The following DAB1 variants were observed in gnomAD, a reference collection of about 807,000 sequenced individuals.
The protein encoded by DAB1 is disabled homolog 1.
A neutral mutation model predicts 64.6 loss-of-function variants in DAB1; 15 were observed. The observed-to-expected ratio is 0.23, with a 90% CI of 0.16 to 0.36. The LOEUF is 0.36. DAB1 is among the 10% of genes least tolerant of loss of function. The pLI, the probability that DAB1 is intolerant of heterozygous loss-of-function variation, is 1.00. For synonymous variants in DAB1, 235 were observed against 251.9 expected (o/e 0.93, Z 0.64); for missense variants, 596 against 706.7 (o/e 0.84, Z 1.78).
chr1:58,203,241 T>G (rs7545320), intron 4 of DAB1, among the ~76,000 whole-genome samples: 72,639 of 152,024 alleles, frequency 0.48, 19,882 homozygotes, highest in Non-Finnish European at 0.64. Context: ...AAGTAATGAT[T>G]TGTCTTCAAC....
chr1:58,488,872 T>C (rs570701136), intron 3 of DAB1, among the ~76,000 whole-genome samples: 59 of 152,244 alleles, frequency 3.9e-4, no homozygotes, highest in Non-Finnish European at 6.6e-4. Flanking sequence ...AGTGAGAACA[T>C]AACATTTTTA....
chr1:57,983,256 A>T (rs1412771060), intron 5 of DAB1, among the ~76,000 whole-genome samples: 1 of 152,232 alleles, frequency 6.6e-6, no homozygotes, highest in East Asian at 1.9e-4. Context: ...TAAATAAAAC[A>T]GAGATCTTGA....
At chr1:57,629,256 A>G (rs1301012232) in intron 7 of DAB1, among the ~76,000 whole-genome samples, 3 of 152,222 alleles carry the variant, frequency 2.0e-5, no homozygotes, top group African/African-American at 7.2e-5. Flanking sequence ...TATGTCAGAA[A>G]CACATGCATT....
chr1:57,496,514 T>A (rs1048259391), intron 7 of DAB1, among the ~76,000 whole-genome samples: 7 of 152,142 alleles, frequency 4.6e-5, no homozygotes, highest in Non-Finnish European at 8.8e-5. Flanking sequence ...TATGCAAAAC[T>A]TTCACAGCCC....
intron 1 of DAB1, chr1:57,878,369 GTTAA>G (rs1366448230): frequency 6.6e-6 from 1 of 152,116 alleles, no homozygotes; most frequent in Non-Finnish European, 1.5e-5. Flanking sequence ...GACAATTTGT[GTTAA>G]TTAAATTCTC....
intron 4 of DAB1, among the ~76,000 whole-genome samples, chr1:57,121,739 G>A (rs750925129): frequency 7.2e-5 from 11 of 151,868 alleles, no homozygotes; most frequent in African/African-American, 1.2e-4. Context: ...TTTTGTATAA[G>A]GTGTAAGGAA....
At chr1:58,037,011 C>T (rs1166669634) in intron 5 of DAB1, among the ~76,000 whole-genome samples, 1 of 152,218 alleles carries the variant, frequency 6.6e-6, no homozygotes, top group South Asian at 2.1e-4. Context: ...CCCTTGCCTG[C>T]TCCTTCCCAC....
At chr1:58,169,421 G>A (rs944359189) in intron 4 of DAB1, among the ~76,000 whole-genome samples, 3 of 152,144 alleles carry the variant, frequency 2.0e-5, no homozygotes, top group Non-Finnish European at 4.4e-5. Context: ...AAACATTCAG[G>A]CATCAACAGG....
intron 5 of DAB1, among the ~76,000 whole-genome samples, chr1:58,129,350 TTTTC>T (rs1262176819): frequency 1.0e-4 from 15 of 147,772 alleles, no homozygotes; most frequent in Admixed American, 7.4e-4. Flanking sequence ...TTCTCTCTTT[TTTTC>T]TTTATTAGTC....
At chr1:58,006,480 T>G (rs868482260) in intron 5 of DAB1, among the ~76,000 whole-genome samples, 1 of 152,174 alleles carries the variant, frequency 6.6e-6, no homozygotes, top group Non-Finnish European at 1.5e-5. Context: ...ATATTTAGGA[T>G]CACAAAGATG....
At chr1:58,130,399 G>T (rs1331101637) in intron 5 of DAB1, among the ~76,000 whole-genome samples, 1 of 151,392 alleles carries the variant, frequency 6.6e-6, no homozygotes, top group African/African-American at 2.4e-5. Context: ...GATGGGTCTT[G>T]ACTCTTTATC....
intron 4 of DAB1, among the ~76,000 whole-genome samples, chr1:58,311,632 A>C (rs1662431669): frequency 6.6e-6 from 1 of 152,254 alleles, no homozygotes; most frequent in Admixed American, 6.5e-5. Flanking sequence ...GTGACTTTTC[A>C]GAGGTAAACC....
chr1:57,715,638 C>T (rs1647075152), intron 6 of DAB1, among the ~76,000 whole-genome samples: 1 of 151,804 alleles, frequency 6.6e-6, no homozygotes, highest in Non-Finnish European at 1.5e-5. Flanking sequence ...TTTCAATATG[C>T]CAATAATGAA....
chr1:58,075,949 G>GCACA (rs142916993), intron 5 of DAB1, among the ~76,000 whole-genome samples: 1 of 150,332 alleles, frequency 6.7e-6, no homozygotes, highest in Admixed American at 6.6e-5. Flanking sequence ...TCTCTCACAG[G>GCACA]CACACACACA....
chr1:57,819,938 A>G (rs1195294683), intron 6 of DAB1, among the ~76,000 whole-genome samples: 8 of 152,202 alleles, frequency 5.3e-5, no homozygotes, highest in African/African-American at 1.9e-4. Flanking sequence ...TTTAGAAAAG[A>G]GTATTTCTTT....
At chr1:57,420,381 G>A (rs1016604803) in intron 1 of DAB1, among the ~76,000 whole-genome samples, 4 of 152,146 alleles carry the variant, frequency 2.6e-5, no homozygotes, top group Non-Finnish European at 5.9e-5. Context: ...AAATCTTCCT[G>A]TGCCCCAGTT....
intron 3 of DAB1, among the ~76,000 whole-genome samples, chr1:58,485,768 T>C (rs1645567271): frequency 6.6e-6 from 1 of 152,152 alleles, no homozygotes; most frequent in Non-Finnish European, 1.5e-5. Flanking sequence ...CTTCCTTTAC[T>C]TTGTTTTCTG....
At chr1:58,096,016 G>GC (rs113108667) in intron 5 of DAB1, among the ~76,000 whole-genome samples, 1 of 152,212 alleles carries the variant, frequency 6.6e-6, no homozygotes, top group African/African-American at 2.4e-5. Flanking sequence ...CCCAGATTCA[G>GC]CTGTGGGGTG....
intron 3 of DAB1, among the ~76,000 whole-genome samples, chr1:58,417,854 C>T (rs947338396): frequency 6.6e-6 from 1 of 152,192 alleles, no homozygotes; most frequent in Non-Finnish European, 1.5e-5. Context: ...AACTGTCCTG[C>T]CACTTTAAGC....
Sources: gnomAD v4.1 joint callset for allele counts (sites outside exome capture counted in the v4.1 genomes callset) on GRCh38, gnomAD v4.1.1 for gene constraint, MANE v1.5 for transcripts, NCBI Gene and HGNC (gene_info 2026-07-23, HGNC 2026-07-21) for gene names.